The following ABI3BP variants were observed in gnomAD, a reference collection of about 807,000 sequenced individuals.
ABI3BP encodes ABI family member 3 binding protein, also known as target of Nesh-SH3.
Under a neutral mutation model 268.6 loss-of-function variants are expected in ABI3BP, and 216 were observed. The observed-to-expected ratio is 0.80, with a 90% CI of 0.72 to 0.90. ABI3BP has a LOEUF of 0.90. Among genes scored for constraint, ABI3BP ranks in the 40% least tolerant of loss-of-function variants. The pLI is 0.00. For synonymous variants in ABI3BP, 730 were observed against 730.0 expected (o/e 1.00, Z 0.00); for missense variants, 2,090 against 2,182.4 (o/e 0.96, Z 0.84).
At chr3:100,922,547 TGATGGTGATGGCGATGGCGATGGC>T (rs1362925992) in intron 2 of ABI3BP, among the ~76,000 whole-genome samples, 2 of 149,096 alleles carry the variant, frequency 1.3e-5, no homozygotes, top group Non-Finnish European at 3.0e-5. Flanking sequence ...ATGGTGATGG[TGATGGTGATGGCGATGGCGATGGC>T]GATGGTGATG....
chr3:100,871,495 G>C (rs540576149), intron 9 of ABI3BP, among the ~76,000 whole-genome samples: 1 of 152,098 alleles, frequency 6.6e-6, no homozygotes, highest in Non-Finnish European at 1.5e-5. Flanking sequence ...TGCGGGAGGG[G>C]CCTGGTGGGA....
In ABI3BP at chr3:100,834,775, T is replaced by C. The variant is rs2098549816; in HGVS notation, c.2192-2A>G. 1.3e-6 allele frequency: 2 copies of C among 1,535,374 alleles called. No homozygotes were observed. The highest frequency in any genetic ancestry group is 2.7e-5 in the African/African-American group (2 of 72,974). ...TTGTTCGTTGCGATGTTTTTGGAGC[T>C]AAAGAAAGGAAACTGGTTATTGTAG... On this transcript the variant is annotated splice_acceptor_variant, in intron 28 of 67. Coordinates refer to ENST00000471714, the MANE Select transcript of ABI3BP (RefSeq NM_001375547.2). LOFTEE classifies it high-confidence loss of function.
chr3:100,943,110 T>C (rs564898705), intron 1 of ABI3BP, among the ~76,000 whole-genome samples: 2 of 152,208 alleles, frequency 1.3e-5, no homozygotes, highest in East Asian at 3.9e-4. Context: ...AACCAATATA[T>C]TTAGAGATTT....
chr3:100,759,938 T>G (rs2095848698), intron 63 of ABI3BP, among the ~76,000 whole-genome samples: 1 of 152,202 alleles, frequency 6.6e-6, no homozygotes, highest in African/African-American at 2.4e-5. Context: ...GAGACTAGAA[T>G]TTCGCAGAAA....
In ABI3BP at chr3:100,784,863, G is replaced by A. The variant is rs554646575; in HGVS notation, c.4162+2865C>T. On this transcript the variant is annotated intron_variant, in intron 57 of 67. Coordinates refer to ENST00000471714, the MANE Select transcript of ABI3BP (RefSeq NM_001375547.2). ...ACAAAGGCATACAGAGTGATATACC[G>A]AACTTTAGAGACCCAGAAGGGGGAG... Among the ~76,000 whole-genome samples the A allele has an allele frequency of 1.5e-4, 23 of 152,154 alleles. No homozygotes were observed. In the South Asian group the frequency reaches 3.9e-3, roughly 26 times the overall value.
chr3:100,832,025 CT>C (rs2098503017), intron 31 of ABI3BP, among the ~76,000 whole-genome samples: 1 of 152,072 alleles, frequency 6.6e-6, no homozygotes, highest in South Asian at 2.1e-4. Context: ...TACTGAGCAG[CT>C]TTGTCTTTAA....
rs560029709 is a variant in ABI3BP, at chr3:100,782,178, T to C, written c.4163-1969A>G. On this transcript the variant is annotated intron_variant, in intron 57 of 67. Coordinates refer to ENST00000471714, the MANE Select transcript of ABI3BP (RefSeq NM_001375547.2). ...GTTATCCAGCCATGCCACGGGTGTG[T>C]GGGACTCAGAAGGTAGTCCAAGGCT... is the stretch of plus-strand genomic sequence containing the variant. Among the ~76,000 whole-genome samples, 3 of 152,330 alleles carry C rather than the reference T, an allele frequency of 2.0e-5. No individual in the cohort carries two copies. The East Asian group carries it at 5.8e-4, about 29-fold the overall frequency.
At chr3:100,840,798 C>G in intron 22 of ABI3BP, 22 bp downstream of exon 22, 2 of 1,529,146 alleles carry the variant, frequency 1.3e-6, no homozygotes. Context: ...AAACAAAGGT[C>G]ACCCACTCAA....
intron 6 of ABI3BP, among the ~76,000 whole-genome samples, chr3:100,877,345 C>T (rs773903388): frequency 6.6e-6 from 1 of 152,208 alleles, no homozygotes; most frequent in African/African-American, 2.4e-5. Flanking sequence ...GAGCTCCCAA[C>T]GCCAAGCACT....
intron 4 of ABI3BP, among the ~76,000 whole-genome samples, chr3:100,890,833 C>A (rs1016123762): frequency 2.6e-5 from 4 of 152,118 alleles, no homozygotes; most frequent in Admixed American, 6.6e-5. Context: ...AGAGTCCTTT[C>A]TCCCCTCATG....
intron 51 of ABI3BP, among the ~76,000 whole-genome samples, 173 bp from the exon 52 acceptor site, chr3:100,796,641 C>T (rs1224388320): frequency 1.3e-5 from 2 of 151,982 alleles, no homozygotes; most frequent in South Asian, 2.1e-4. Flanking sequence ...AAAATGTTAC[C>T]GTGCAGGGAA....
chr3:100,768,817 A>C (rs1372342974), intron 62 of ABI3BP, among the ~76,000 whole-genome samples: 1 of 152,216 alleles, frequency 6.6e-6, no homozygotes, highest in Non-Finnish European at 1.5e-5. Context: ...ATGCTCTTGG[A>C]CTATCAGATT....
chr3:100,959,828 A>G (rs965093763), intron 1 of ABI3BP, among the ~76,000 whole-genome samples: 2 of 152,222 alleles, frequency 1.3e-5, no homozygotes, highest in Admixed American at 1.3e-4. Context: ...CTAATGACCC[A>G]GTTGTCTCAA....
At chr3:100,777,065 A>G (rs1204902531) in intron 59 of ABI3BP, among the ~76,000 whole-genome samples, 2 of 152,162 alleles carry the variant, frequency 1.3e-5, no homozygotes, top group Non-Finnish European at 2.9e-5. Flanking sequence ...AGAGGTATGG[A>G]TGGGAGGCTG....
At position 100,830,649 on chromosome 3, in the gene ABI3BP, T is replaced by TAAAAGAAACCA. The variant is rs1416633614; in HGVS notation, c.2402-26_2402-16dup. 6.6e-7 allele frequency: 1 copy of TAAAAGAAACCA among 1,520,534 alleles called. No individual in the cohort carries two copies. The highest frequency in any genetic ancestry group is 2.0e-5 in the Admixed American group (1 of 50,436). 94.2% of individuals were successfully genotyped at this position (1,520,534 alleles called of 1,614,324 possible). On this transcript the variant is annotated splice_polypyrimidine_tract_variant and intron_variant, in intron 31 of 67. Transcript: ENST00000471714. The stretch of plus-strand genomic sequence containing the variant: ...TGTGGCAGGAACTGATCAAAAGTAA[T>TAAAAGAAACCA]AAAAGAAACCAAAGAGATTTTGTGA...
Position 100,816,682 on chromosome 3 carries a change from A to G in ABI3BP, c.3229+6T>C, listed in dbSNP as rs758535077. 1.3e-6 allele frequency: 2 copies of G among 1,535,316 alleles called. No homozygotes were observed. The highest frequency in any genetic ancestry group is 1.2e-5 in the South Asian group (1 of 84,042). On this transcript the variant is annotated splice_donor_region_variant and intron_variant, in intron 43 of 67. Transcript: ENST00000471714. ...GGCTACTTAAGCCAAGGATTCATAC[A>G]TTTACCCGATTTGTTCTGAGGTACT...
At chr3:100,956,601 G>C (rs1460449235) in intron 1 of ABI3BP, among the ~76,000 whole-genome samples, 2 of 152,182 alleles carry the variant, frequency 1.3e-5, no homozygotes, top group Admixed American at 1.3e-4. Flanking sequence ...TTAAGCCTTT[G>C]AGATTTGGGG....
chr3:100,935,463 T>A (rs867273269), intron 1 of ABI3BP, among the ~76,000 whole-genome samples: 63 of 152,336 alleles, frequency 4.1e-4, no homozygotes, highest in African/African-American at 1.4e-3. Context: ...CTATGCAGGC[T>A]CTTTTTTTAT....
At chr3:100,809,608 T>G (rs2097796741) in intron 49 of ABI3BP, among the ~76,000 whole-genome samples, 1 of 152,086 alleles carries the variant, frequency 6.6e-6, no homozygotes, top group Non-Finnish European at 1.5e-5. Flanking sequence ...CTGTAGGGTT[T>G]ATAGGCAACA....
Sources: gnomAD v4.1 joint callset for allele counts (sites outside exome capture counted in the v4.1 genomes callset) on GRCh38, gnomAD v4.1.1 for gene constraint, MANE v1.5 for transcripts, NCBI Gene and HGNC (gene_info 2026-07-23, HGNC 2026-07-21) for gene names.